The following VEGFD variants were observed in gnomAD, a reference collection of about 807,000 sequenced individuals.
VEGFD encodes the protein vascular endothelial growth factor D, also known as c-fos induced growth factor (vascular endothelial growth factor D).
VEGFD carries 26 observed loss-of-function variants against 28.0 expected under a neutral mutation model. That is an observed-to-expected ratio of 0.93 (90% CI 0.68 to 1.29). VEGFD has a LOEUF of 1.29. VEGFD is among the 50% of genes most tolerant of loss of function. The pLI is 0.00. For missense variants in VEGFD, 294 were observed against 273.4 expected (o/e 1.08, Z -0.53); for synonymous variants, 93 against 95.5 (o/e 0.97, Z 0.15).
chrX:15,372,314 G>A (rs2146986575), intron 1 of VEGFD, among the ~76,000 whole-genome samples: 1 of 111,519 alleles, frequency 9.0e-6, no homozygotes, highest in South Asian at 3.7e-4. Flanking sequence ...GAAATTATTG[G>A]ATTAACTGAG....
At chrX:15,371,514 C>G (rs1923308475) in intron 1 of VEGFD, among the ~76,000 whole-genome samples, 1 of 111,595 alleles carries the variant, frequency 9.0e-6, no homozygotes, top group Admixed American at 9.6e-5. Flanking sequence ...AATCTTAAAC[C>G]TGATAACACT....
chrX:15,350,777 CTT>C (rs200465167), intron 5 of VEGFD, among the ~76,000 whole-genome samples: 1,868 of 84,621 alleles, frequency 0.022, 40 homozygotes, highest in African/African-American at 0.079. Flanking sequence ...TTCTTTCTTT[CTT>C]TCTCTCTCTT....
intron 1 of VEGFD, among the ~76,000 whole-genome samples, chrX:15,368,083 A>AAGAAAGAAAGG (rs1923215956): frequency 1.6e-4 from 16 of 99,364 alleles, no homozygotes; most frequent in South Asian, 9.5e-4. Flanking sequence ...AGAAAGAAAG[A>AAGAAAGAAAGG]AAAGAAAGAA....
chrX:15,367,446 A>G (rs1923174849), intron 1 of VEGFD, among the ~76,000 whole-genome samples: 1 of 111,908 alleles, frequency 8.9e-6, no homozygotes, highest in African/African-American at 3.2e-5. Context: ...ATGCTTCTCC[A>G]TTAAGTCTTA....
At chrX:15,375,867 C>A (rs765489757) in intron 1 of VEGFD, among the ~76,000 whole-genome samples, 1 of 111,375 alleles carries the variant, frequency 9.0e-6, no homozygotes, top group African/African-American at 3.3e-5. Context: ...TCTAGCACTG[C>A]GGGAGATGGC....
chrX:15,368,758 T>A (rs1923239074), intron 1 of VEGFD, among the ~76,000 whole-genome samples: 1 of 112,278 alleles, frequency 8.9e-6, no homozygotes, highest in African/African-American at 3.2e-5. Context: ...GAAGTGCTAA[T>A]CAAAATCAAA....
chrX:15,360,250 T>G (rs1470977892), intron 2 of VEGFD, among the ~76,000 whole-genome samples: 1 of 111,512 alleles, frequency 9.0e-6, no homozygotes, highest in Non-Finnish European at 1.9e-5. Context: ...TAATATGAGT[T>G]GTCTGGAGCA....
rs762279003 is a variant in VEGFD, at chrX:15,347,295, G to A, written c.807C>T (p.Cys269=). ...GPHMMFDEDR[C]ECVCKTPCPK... is the part of the protein sequence containing the mutation. ...GACATGGTGTTTTACAGACACACTCGCAACGATCTTCGTCAAACATCATGT... is the reference window on the plus strand; with the variant it reads ...GACATGGTGTTTTACAGACACACTCACAACGATCTTCGTCAAACATCATGT... Residue 269 remains cysteine, a synonymous_variant, in exon 6 of 7, where the codon TGC becomes TGT. Transcript: ENST00000297904. The A allele has an allele frequency of 6.6e-6, 8 of 1,209,357 alleles. No individual in the cohort carries two copies. In the South Asian group the frequency reaches 8.8e-5, roughly 13 times the overall value.
At position 15,363,408 on chromosome X, in the gene VEGFD, A is replaced by G. The variant is rs1163899530; in HGVS notation, c.91-89T>C. On this transcript the variant is annotated intron_variant, in intron 1 of 6. Coordinates refer to ENST00000297904, the MANE Select transcript of VEGFD (RefSeq NM_004469.5). Reference sequence around the variant, plus strand: ...CTTCATTTCTGACACTTAGAAGTGTAAATACATCTGTAATTAGAGATACTA... The same window carrying G: ...CTTCATTTCTGACACTTAGAAGTGTGAATACATCTGTAATTAGAGATACTA... The G allele has an allele frequency of 6.4e-5, 46 of 717,529 alleles. No individual in the cohort carries two copies. The East Asian group carries it at 1.6e-3, about 25-fold the overall frequency. 59.1% of individuals were successfully genotyped at this position (717,529 alleles called of 1,213,427 possible). A position where few individuals can be genotyped will look rare whatever the true frequency, so the allele number is the denominator to read the frequency against.
intron 1 of VEGFD, among the ~76,000 whole-genome samples, chrX:15,368,461 A>T (rs972770152): frequency 2.7e-5 from 3 of 112,519 alleles, no homozygotes; most frequent in African/African-American, 6.5e-5. Context: ...TCATTTTGCT[A>T]TTTTAAGTGG....
intron 1 of VEGFD, among the ~76,000 whole-genome samples, chrX:15,372,276 A>G (rs999376487): frequency 7.1e-5 from 8 of 112,101 alleles, no homozygotes; most frequent in Admixed American, 4.8e-4. Flanking sequence ...TTAGCCAGTC[A>G]GATGAGGTTT....
At chrX:15,350,738 C>T (rs78740879) in intron 5 of VEGFD, among the ~76,000 whole-genome samples, 25 of 93,399 alleles carry the variant, frequency 2.7e-4, no homozygotes, top group South Asian at 5.4e-4. Flanking sequence ...TCTTTCTATC[C>T]TTCCTTCCTT....
In VEGFD at chrX:15,345,917, C is replaced by T; in HGVS notation, c.*216G>A. ...AAGGATTACATGGGTCCCCTCCTCT[C>T]CATTCCTTGGTGCGCAGAGGCATCT... On this transcript the variant is annotated 3_prime_UTR_variant, in exon 7 of 7. Coordinates refer to ENST00000297904, the MANE Select transcript of VEGFD (RefSeq NM_004469.5). 3 of 412,443 alleles carry T rather than the reference C, an allele frequency of 7.3e-6. No homozygotes were observed. The highest frequency in any genetic ancestry group is 1.2e-5 in the Non-Finnish European group (3 of 241,642). 34.0% of individuals were successfully genotyped at this position (412,443 alleles called of 1,213,427 possible). A position where few individuals can be genotyped will look rare whatever the true frequency, so the allele number is the denominator to read the frequency against.
At chrX:15,350,825 CTTTCT>C (rs1285005865) in intron 5 of VEGFD, among the ~76,000 whole-genome samples, 7 of 83,936 alleles carry the variant, frequency 8.3e-5, no homozygotes, top group Non-Finnish European at 1.2e-4. Flanking sequence ...CTCTCTCTCT[CTTTCT>C]TTTCTTTTCT....
At chrX:15,375,335 C>T (rs1345864394) in intron 1 of VEGFD, among the ~76,000 whole-genome samples, 1 of 112,101 alleles carries the variant, frequency 8.9e-6, no homozygotes, top group Non-Finnish European at 1.9e-5. Context: ...CCACATTTTA[C>T]ATTTTGATGT....
chrX:15,373,115 A>G (rs934456254), intron 1 of VEGFD, among the ~76,000 whole-genome samples: 1 of 112,302 alleles, frequency 8.9e-6, no homozygotes, highest in African/African-American at 3.2e-5. Flanking sequence ...TTCAACAAAA[A>G]AGTACAAATT....
At chrX:15,374,832 C>T (rs1923397542) in intron 1 of VEGFD, among the ~76,000 whole-genome samples, 1 of 107,130 alleles carries the variant, frequency 9.3e-6, no homozygotes, top group South Asian at 4.1e-4. Context: ...TATTTGACTT[C>T]CTTAAGGCTT....
At chrX:15,383,450 A>G (rs1184338240) in intron 1 of VEGFD, among the ~76,000 whole-genome samples, 1 of 112,599 alleles carries the variant, frequency 8.9e-6, no homozygotes, top group African/African-American at 3.2e-5. Flanking sequence ...CAATTTACCA[A>G]ACGAATAAAC....
chrX:15,358,162 G>A lies in VEGFD; in HGVS notation c.333C>T (p.Cys111=), dbSNP rs148025234. 377 of 1,206,942 alleles carry A rather than the reference G, an allele frequency of 3.1e-4. No individual in the cohort carries two copies. The highest frequency in any genetic ancestry group is 3.9e-4 in the Non-Finnish European group (352 of 894,086). ...CCTCCACGCACGTTTCTCTAGGGCT[G>A]CACTGAGTTCTTTGCCATTCTTCAT... ...VIDEEWQRTQ[C]SPRETCVEVA... The change falls in exon 3 of 7, where the codon TGC becomes TGT. Residue 111 remains cysteine (C), a synonymous_variant. Coordinates refer to ENST00000297904, the MANE Select transcript of VEGFD (RefSeq NM_004469.5).
Sources: allele counts gnomAD v4.1 joint callset (sites outside exome capture counted in the v4.1 genomes callset), GRCh38; gene constraint gnomAD v4.1.1; transcripts MANE v1.5; gene names NCBI Gene and HGNC (gene_info 2026-07-23, HGNC 2026-07-21).